Variants in FAM219A observed in about 807,000 individuals in gnomAD.
The protein encoded by FAM219A is protein FAM219A.
Under a neutral mutation model 23.4 loss-of-function variants are expected in FAM219A, and 7 were observed. The observed-to-expected ratio is 0.30, with a 90% CI of 0.17 to 0.56. The LOEUF is 0.56. FAM219A is among the 20% of genes least tolerant of loss of function. The pLI is 0.92. For missense variants in FAM219A, 166 were observed against 246.9 expected (o/e 0.67, Z 2.20); for synonymous variants, 93 against 99.0 (o/e 0.94, Z 0.36).
intron 1 of FAM219A, among the ~76,000 whole-genome samples, chr9:34,438,572 G>A (rs1004966217): frequency 1.3e-5 from 2 of 152,178 alleles, no homozygotes; most frequent in African/African-American, 2.4e-5. Flanking sequence ...CTAGCTCAGG[G>A]ATTGTAAATA....
chr9:34,422,309 A>G (rs538469778), intron 1 of FAM219A, among the ~76,000 whole-genome samples: 20 of 152,242 alleles, frequency 1.3e-4, no homozygotes, highest in Non-Finnish European at 2.1e-4. Flanking sequence ...AAAACCAAGT[A>G]AGGCAAATAT....
Position 34,400,930 on chromosome 9 carries a change from G to T in FAM219A, c.*34C>A. 6.7e-7 allele frequency: 1 copy of T among 1,498,702 alleles called. No homozygotes were observed. The highest frequency in any genetic ancestry group is 8.9e-7 in the Non-Finnish European group (1 of 1,121,532). The allele number at this position is 1,498,702 out of a possible 1,614,324, so 92.8% of individuals were successfully genotyped here. A position where few individuals can be genotyped will look rare whatever the true frequency, so the allele number is the denominator to read the frequency against. On this transcript the variant is annotated 3_prime_UTR_variant, in exon 6 of 6. Coordinates refer to ENST00000651358, the MANE Select transcript of FAM219A (RefSeq NM_001184940.2). Reference sequence around the variant, plus strand: ...CTGCCCGTCCTACCCGGCCCTTGGCGGCCCCGCCCCGGCGACCGCAGTGGC... The same window carrying T: ...CTGCCCGTCCTACCCGGCCCTTGGCTGCCCCGCCCCGGCGACCGCAGTGGC...
At chr9:34,414,252 A>G (rs1012535502) in intron 1 of FAM219A, among the ~76,000 whole-genome samples, 2 of 152,194 alleles carry the variant, frequency 1.3e-5, no homozygotes, top group African/African-American at 4.8e-5. Context: ...GGCCAATGAC[A>G]GCTCTTACTC....
At chr9:34,408,345 C>T (rs1206356037) in intron 1 of FAM219A, among the ~76,000 whole-genome samples, 1 of 151,238 alleles carries the variant, frequency 6.6e-6, no homozygotes, top group African/African-American at 2.4e-5. Context: ...TCAGCAGCTG[C>T]TACCTGCAAG....
chr9:34,453,830 CAT>C (rs1302198459), intron 1 of FAM219A, among the ~76,000 whole-genome samples: 4 of 152,314 alleles, frequency 2.6e-5, no homozygotes, highest in South Asian at 2.1e-4. Context: ...GAAGAGAAGA[CAT>C]AGACTGTGCG....
At chr9:34,414,738 G>T (rs1821938814) in intron 1 of FAM219A, among the ~76,000 whole-genome samples, 1 of 152,182 alleles carries the variant, frequency 6.6e-6, no homozygotes. Context: ...ACATTTAGGA[G>T]AGAAGGCAGA....
At chr9:34,412,407 G>A (rs1051850587) in intron 1 of FAM219A, among the ~76,000 whole-genome samples, 2 of 152,216 alleles carry the variant, frequency 1.3e-5, no homozygotes, top group Non-Finnish European at 2.9e-5. Flanking sequence ...AAATGCAGAA[G>A]AAGGCACAAC....
chr9:34,441,263 C>A (rs1349217841), intron 1 of FAM219A, among the ~76,000 whole-genome samples: 1 of 152,212 alleles, frequency 6.6e-6, no homozygotes, highest in Non-Finnish European at 1.5e-5. Flanking sequence ...CAAAAATAAA[C>A]CCAGCCCTTG....
rs1252309714 is a variant in FAM219A, at chr9:34,416,260, G to GGGGA, written c.61-10300_61-10297dup. ...GAAAGAAAGAAAGAAAGAAAGAAAGGGGGAGGGAGGGAGGGAAGGAAGGAA... is the reference window on the plus strand; with the variant it reads ...GAAAGAAAGAAAGAAAGAAAGAAAGGGGGAGGGAGGGAGGGAGGGAAGGAAGGAA... On this transcript the variant is annotated intron_variant, in intron 1 of 5. Coordinates refer to ENST00000651358, the MANE Select transcript of FAM219A (RefSeq NM_001184940.2). Among the ~76,000 whole-genome samples, 50 of 77,200 alleles carry GGGGA rather than the reference G, an allele frequency of 6.5e-4. 1 individual carries two copies. Among genetic ancestry groups the GGGGA allele is most frequent in the African/African-American group, 1.9e-3 (38 of 20,082 alleles). The allele number at this position is 77,200 out of a possible 152,430, so 50.6% of individuals were successfully genotyped here.
At position 34,405,873 on chromosome 9, in the gene FAM219A, AC is replaced by A; in HGVS notation, c.151del (p.Val51Ter). On this transcript the variant is annotated frameshift_variant, in exon 2 of 6. Transcript: ENST00000651358. LOFTEE classifies it high-confidence loss of function. ...AMNYKPSPLQVKLEKQRELAR... is the reference protein window; with the variant it reads ...AMNYKPSPLQXKLEKQRELAR... The stretch of plus-strand genomic sequence containing the variant: ...CCCCCAGACACACTCACCCAGCTTC[AC>A]TTGGAGCGGGGATGGTTTGTAATTC... 6.2e-7 allele frequency: 1 copy of A among 1,613,830 alleles called. No homozygotes were observed. Among genetic ancestry groups the A allele is most frequent in the East Asian group, 2.2e-5 (1 of 44,852 alleles).
chr9:34,405,851 C>A lies in FAM219A; in HGVS notation c.160+14G>T. The A allele has an allele frequency of 6.2e-7, 1 of 1,613,508 alleles. No homozygotes were observed. Among genetic ancestry groups the A allele is most frequent in the East Asian group, 2.2e-5 (1 of 44,856 alleles). On this transcript the variant is annotated intron_variant, in intron 2 of 5. Transcript: ENST00000651358. ...CTACTCCCCACATCTCCCTCACCCC[C>A]CAGACACACTCACCCAGCTTCACTT... is the stretch of plus-strand genomic sequence containing the variant.
At chr9:34,448,490 G>A (rs1001439558) in intron 1 of FAM219A, among the ~76,000 whole-genome samples, 1 of 152,222 alleles carries the variant, frequency 6.6e-6, no homozygotes, top group Non-Finnish European at 1.5e-5. Context: ...GAAGGGTAAT[G>A]CCTGTTTATC....
At chr9:34,402,832 C>G (rs770171974) in intron 2 of FAM219A, 25 bp from the exon 3 acceptor site, 1 of 1,610,270 alleles carries the variant, frequency 6.2e-7, no homozygotes, top group African/African-American at 1.3e-5. Context: ...GGGAAGGAAG[C>G]TGTGTCCTGC....
At chr9:34,412,743 C>G (rs945959569) in intron 1 of FAM219A, among the ~76,000 whole-genome samples, 14 of 152,058 alleles carry the variant, frequency 9.2e-5, no homozygotes, top group African/African-American at 3.4e-4. Flanking sequence ...TGGAAGAAAT[C>G]AACAGTGTCA....
chr9:34,454,249 A>G (rs1001731303), intron 1 of FAM219A, among the ~76,000 whole-genome samples: 1 of 152,212 alleles, frequency 6.6e-6, no homozygotes, highest in Admixed American at 6.5e-5. Flanking sequence ...CATCCTGGCC[A>G]ACATGGTGAA....
At chr9:34,404,563 C>A (rs1424925383) in intron 2 of FAM219A, among the ~76,000 whole-genome samples, 1 of 152,162 alleles carries the variant, frequency 6.6e-6, no homozygotes, top group Non-Finnish European at 1.5e-5. Context: ...CAAAAATTAG[C>A]TGGGCGTGGT....
chr9:34,403,437 G>T (rs1402873105), intron 2 of FAM219A, among the ~76,000 whole-genome samples: 2 of 152,234 alleles, frequency 1.3e-5, no homozygotes, highest in Non-Finnish European at 2.9e-5. Context: ...GCAGAAGGAA[G>T]AAGAAGCCAC....
At chr9:34,407,751 G>C (rs558460850) in intron 1 of FAM219A, among the ~76,000 whole-genome samples, 1 of 152,332 alleles carries the variant, frequency 6.6e-6, no homozygotes, top group African/African-American at 2.4e-5. Context: ...AGTGCAGAGG[G>C]GATCCAAGGC....
intron 1 of FAM219A, among the ~76,000 whole-genome samples, chr9:34,442,905 C>T (rs899264278): frequency 2.0e-5 from 3 of 152,018 alleles, no homozygotes; most frequent in African/African-American, 7.2e-5. Context: ...TTCACCCATA[C>T]CCCACCTACT....
Sources: gnomAD v4.1 joint callset for allele counts (sites outside exome capture counted in the v4.1 genomes callset) on GRCh38, gnomAD v4.1.1 for gene constraint, MANE v1.5 for transcripts, NCBI Gene and HGNC (gene_info 2026-07-23, HGNC 2026-07-21) for gene names.